The following LMO2 variants were observed in gnomAD, a reference collection of about 807,000 sequenced individuals.
LMO2 encodes LIM domain only 2.
A neutral mutation model predicts 23.2 loss-of-function variants in LMO2; 20 were observed. The ratio of observed to expected loss-of-function variants is 0.86; its 90% CI spans 0.61 to 1.25. LMO2 has a LOEUF of 1.25. Ranked by LOEUF, LMO2 falls within the 50% of genes most tolerant of loss-of-function variation. The probability of loss-of-function intolerance (pLI) is 0.00; values close to 1 mark genes in which losing one functional copy is unlikely to be tolerated. For synonymous variants in LMO2, 123 were observed against 130.2 expected, an observed-to-expected ratio of 0.94 and a Z score of 0.38; for missense variants, 270 against 315.3, an observed-to-expected ratio of 0.86 and a Z score of 1.09.
intron 2 of LMO2, among the ~76,000 whole-genome samples, chr11:33,873,089 A>G (rs1857063789): frequency 6.6e-6 from 1 of 152,040 alleles, no homozygotes; most frequent in Non-Finnish European, 1.5e-5. Context: ...ATTTAATCTG[A>G]TAAATTATTA....
chr11:33,869,683 A>T (rs1856942194), intron 3 of LMO2, 27 bp downstream of exon 3: 1 of 1,271,718 alleles, frequency 7.9e-7, no homozygotes, highest in Non-Finnish European at 1.0e-6. Context: ...AGGCGGCTGC[A>T]GCTGCTGCTG....
In LMO2 at chr11:33,880,350, G is replaced by A. The variant is rs1210462793; in HGVS notation, c.-272+1474C>T. 6.6e-6 allele frequency among the ~76,000 whole-genome samples: 1 copy of A among 150,624 alleles called. No individual in the cohort carries two copies. The highest frequency in any genetic ancestry group is 1.5e-5 in the Non-Finnish European group (1 of 67,812). On this transcript the variant is annotated intron_variant, in intron 2 of 5. Transcript: ENST00000257818. The surrounding 1 kb of genome is among the most constrained non-coding windows in gnomAD (Gnocchi z 4.3). Reference sequence around the variant, plus strand: ...AACACATATGATTCCACCTTAAAGAGAAAGGAAATTCTGACATAAGCTACA... The same window carrying A: ...AACACATATGATTCCACCTTAAAGAAAAAGGAAATTCTGACATAAGCTACA...
chr11:33,884,285 T>G (rs1042520572), intron 1 of LMO2, among the ~76,000 whole-genome samples: 1 of 151,916 alleles, frequency 6.6e-6, no homozygotes, highest in Non-Finnish European at 1.5e-5. Flanking sequence ...TGGGGGAAGA[T>G]TAATTTTGAG....
At chr11:33,871,083 G>A in intron 2 of LMO2, 5 of 983,332 alleles carry the variant, frequency 5.1e-6, no homozygotes, top group Non-Finnish European at 6.0e-6. Context: ...CTGGATCATA[G>A]GCATACATTT....
In LMO2 at chr11:33,869,725, C is replaced by T. The variant is rs1001285075; in HGVS notation, c.-9G>A. The T allele has an allele frequency of 5.4e-6, 7 of 1,290,710 alleles. No homozygotes were observed. The highest frequency in any genetic ancestry group is 7.0e-6 in the Non-Finnish European group (7 of 1,001,438). The allele number at this position is 1,290,710 out of a possible 1,614,324, so 80.0% of individuals were successfully genotyped here. A position where few individuals can be genotyped will look rare whatever the true frequency, so the allele number is the denominator to read the frequency against. On this transcript the variant is annotated 5_prime_UTR_variant, in exon 3 of 6. Coordinates refer to ENST00000257818, the MANE Select transcript of LMO2 (RefSeq NM_005574.4). ...AGGACTTAACCTTCCATCCCGGTCC[C>T]GCCGCCGCCACCGCCCGGTCCCTCT... is the stretch of plus-strand genomic sequence containing the variant.
At chr11:33,876,565 A>G (rs536346244) in intron 2 of LMO2, among the ~76,000 whole-genome samples, 6 of 152,328 alleles carry the variant, frequency 3.9e-5, no homozygotes, top group African/African-American at 1.2e-4. Flanking sequence ...TGGTCCAGAT[A>G]CCATTTATAT....
At chr11:33,860,382 CAG>C (rs1177423529) in intron 5 of LMO2, among the ~76,000 whole-genome samples, 4 of 152,154 alleles carry the variant, frequency 2.6e-5, no homozygotes, top group Admixed American at 1.3e-4. Context: ...AGGTGGGAGA[CAG>C]AACATGGCAG....
chr11:33,869,664 C>T (rs780740277), intron 3 of LMO2, 46 bp downstream of exon 3: 5 of 1,262,698 alleles, frequency 4.0e-6, no homozygotes, highest in African/African-American at 1.6e-5. Context: ...GGGCGCGCAG[C>T]CTGGCTCCAG....
intron 2 of LMO2, among the ~76,000 whole-genome samples, chr11:33,877,526 G>A (rs1410739299): frequency 6.8e-6 from 1 of 147,060 alleles, no homozygotes; most frequent in Non-Finnish European, 1.5e-5. Flanking sequence ...GTGCGGTGGC[G>A]TGATCTCAGC....
At chr11:33,881,167 G>C (rs761934569) in intron 2 of LMO2, 2 of 456,804 alleles carry the variant, frequency 4.4e-6, no homozygotes, top group Non-Finnish European at 8.8e-6. Context: ...GCTCAGGCCA[G>C]AGCCCCTTTC....
At chr11:33,877,105 A>G (rs1272494926) in intron 2 of LMO2, among the ~76,000 whole-genome samples, 1 of 152,220 alleles carries the variant, frequency 6.6e-6, no homozygotes, top group East Asian at 1.9e-4. Flanking sequence ...TGGGGTCAAC[A>G]TTCTTGCCTG....
In LMO2 at chr11:33,859,164, C is replaced by T. The variant is rs1856472165; in HGVS notation, c.*192G>A. ...CTCCCTCAAGGGCTGGTCCTTCTGT[C>T]ACCTTGAAGTGTCAGCCCCTGAATT... On this transcript the variant is annotated 3_prime_UTR_variant, in exon 6 of 6. Transcript: ENST00000257818. 1.8e-6 allele frequency: 1 copy of T among 560,014 alleles called. No individual in the cohort carries two copies. Among genetic ancestry groups the T allele is most frequent in the East Asian group, 2.9e-5 (1 of 34,102 alleles). The allele number at this position is 560,014 out of a possible 1,614,324, so 34.7% of individuals were successfully genotyped here. A position where few individuals can be genotyped will look rare whatever the true frequency, so the allele number is the denominator to read the frequency against.
At chr11:33,861,718 G>A (rs570022946) in intron 5 of LMO2, among the ~76,000 whole-genome samples, 1 of 152,312 alleles carries the variant, frequency 6.6e-6, no homozygotes, top group African/African-American at 2.4e-5. Context: ...TGGGGTGTGC[G>A]ATCCTTAAGG....
rs987103204 is a variant in LMO2 at position 33,864,502 on chromosome 11, G to A, written c.464+100C>T. The stretch of plus-strand genomic sequence containing the variant: ...TGACCTCTTTCTATAGGTGGTGTCC[G>A]AGCCTGGAGCAGGGTAAGGGGCAAC... On this transcript the variant is annotated intron_variant, in intron 5 of 5. Coordinates refer to ENST00000257818, the MANE Select transcript of LMO2 (RefSeq NM_005574.4). The surrounding 1 kb of genome is among the most constrained non-coding windows in gnomAD (Gnocchi z 4.8). 32 of 939,796 alleles carry A rather than the reference G, an allele frequency of 3.4e-5. No homozygotes were observed. Among genetic ancestry groups the A allele is most frequent in the Admixed American group, 4.5e-5 (2 of 43,992 alleles). 58.2% of individuals were successfully genotyped at this position (939,796 alleles called of 1,614,324 possible). A position where few individuals can be genotyped will look rare whatever the true frequency, so the allele number is the denominator to read the frequency against.
intron 4 of LMO2, among the ~76,000 whole-genome samples, chr11:33,867,076 G>A (rs16924897): frequency 6.6e-6 from 1 of 152,174 alleles, no homozygotes; most frequent in Non-Finnish European, 1.5e-5. Context: ...TGAAAGAAGA[G>A]AATTTGCCCT....
intron 1 of LMO2, among the ~76,000 whole-genome samples, chr11:33,885,513 C>T (rs1244267943): frequency 6.6e-6 from 1 of 152,212 alleles, no homozygotes; most frequent in East Asian, 1.9e-4. Context: ...GAGGTCCAGC[C>T]ACTGGGATGT....
chr11:33,869,640 C>G (rs1856938496), intron 3 of LMO2, 54 bp from the exon 4 acceptor site: 3 of 1,255,346 alleles, frequency 2.4e-6, no homozygotes, highest in Admixed American at 4.5e-5. Context: ...GCGCCGCGGC[C>G]GAGGCGGGGG....
intron 5 of LMO2, among the ~76,000 whole-genome samples, chr11:33,860,825 C>T (rs939347288): frequency 1.3e-5 from 2 of 152,146 alleles, no homozygotes; most frequent in Non-Finnish European, 2.9e-5. Context: ...CAGCCCTCCT[C>T]CTTCCCTACC....
chr11:33,880,230 T>TATATATATATCATATATACACATG lies in LMO2; in HGVS notation c.-272+1593_-272+1594insCATGTGTATATATGATATATATAT, dbSNP rs1565034659. On this transcript the variant is annotated intron_variant, in intron 2 of 5. Coordinates refer to ENST00000257818, the MANE Select transcript of LMO2 (RefSeq NM_005574.4). This position sits in a 1 kb window ranked among gnomAD's most constrained non-coding sequence, Gnocchi z 4.3. Reference sequence around the variant, plus strand: ...ATATATATATCATATATACACATGATATATATATCATATATACACATGATA... The same window carrying TATATATATATCATATATACACATG: ...ATATATATATCATATATACACATGATATATATATATCATATATACACATGATATATATCATATATACACATGATA... Among the ~76,000 whole-genome samples the TATATATATATCATATATACACATG allele has an allele frequency of 9.7e-4, 139 of 143,736 alleles. 5 individuals carry two copies. The highest frequency in any genetic ancestry group is 3.5e-3 in the African/African-American group (131 of 37,010). 94.3% of individuals were successfully genotyped at this position (143,736 alleles called of 152,430 possible). A position where few individuals can be genotyped will look rare whatever the true frequency, so the allele number is the denominator to read the frequency against.
Sources: gnomAD v4.1 joint callset for allele counts (sites outside exome capture counted in the v4.1 genomes callset) on GRCh38, gnomAD v4.1.1 for gene constraint, Gnocchi (gnomAD v3.1) non-coding constraint, MANE v1.5 for transcripts, NCBI Gene and HGNC (gene_info 2026-07-23, HGNC 2026-07-21) for gene names.